Variants in EFNA5 observed in about 807,000 individuals in gnomAD.
The protein encoded by EFNA5 is ephrin A5, also known as ephrin-A5.
In EFNA5, 5 loss-of-function variants were observed where a neutral mutation model predicts 22.9. That is an observed-to-expected ratio of 0.22 (90% CI 0.11 to 0.46). The LOEUF (loss-of-function observed/expected upper bound fraction) is 0.46, where lower values mean the gene tolerates loss of function less well. EFNA5 is among the 20% of genes least tolerant of loss of function. The pLI is 0.99. For synonymous variants in EFNA5, 113 were observed against 112.2 expected (o/e 1.01, Z -0.04); for missense variants, 237 against 293.3 (o/e 0.81, Z 1.40).
rs11420605 is a variant in EFNA5 at position 107,574,363 on chromosome 5, C to CAA, written c.125+96124_125+96125dup. On this transcript the variant is annotated intron_variant, in intron 1 of 4. Transcript: ENST00000333274. ...TAACAATACTAGGAGCCCTCCCTTGCAAAAAAAAAATCATTCAATAAGCTC... is the reference window on the plus strand; with the variant it reads ...TAACAATACTAGGAGCCCTCCCTTGCAAAAAAAAAAAATCATTCAATAAGCTC... 3.0e-3 allele frequency among the ~76,000 whole-genome samples: 455 copies of CAA among 149,712 alleles called. 4 individuals carry two copies. Among genetic ancestry groups the CAA allele is most frequent in the Middle Eastern group, 0.021 (6 of 292 alleles).
intron 1 of EFNA5, among the ~76,000 whole-genome samples, chr5:107,661,745 T>C (rs914027123): frequency 4.6e-5 from 7 of 152,254 alleles, no homozygotes; most frequent in Admixed American, 4.6e-4. Flanking sequence ...AAGTTGTCTA[T>C]ACATTATTGA....
At chr5:107,585,499 C>T (rs1469569978) in intron 1 of EFNA5, among the ~76,000 whole-genome samples, 1 of 152,078 alleles carries the variant, frequency 6.6e-6, no homozygotes, top group Non-Finnish European at 1.5e-5. Flanking sequence ...AAATTCTAAA[C>T]AATATTAGGC....
At chr5:107,534,682 C>T (rs1197248778) in intron 1 of EFNA5, among the ~76,000 whole-genome samples, 3 of 152,144 alleles carry the variant, frequency 2.0e-5, no homozygotes, top group Admixed American at 1.3e-4. Context: ...CAAACCTTAA[C>T]CTCAAGTTAC....
At chr5:107,406,587 T>TTA (rs533858910) in intron 2 of EFNA5, among the ~76,000 whole-genome samples, 38 of 152,000 alleles carry the variant, frequency 2.5e-4, no homozygotes, top group East Asian at 5.8e-4. Flanking sequence ...TAAGTATGTT[T>TTA]TATATATATA....
chr5:107,482,406 A>T (rs1302361971), intron 1 of EFNA5, among the ~76,000 whole-genome samples: 1 of 152,170 alleles, frequency 6.6e-6, no homozygotes, highest in Non-Finnish European at 1.5e-5. Flanking sequence ...CATCTAGAAA[A>T]TAGTCTGTTT....
At chr5:107,475,177 C>A (rs777105172) in intron 1 of EFNA5, among the ~76,000 whole-genome samples, 4 of 152,202 alleles carry the variant, frequency 2.6e-5, no homozygotes, top group Non-Finnish European at 4.4e-5. Flanking sequence ...AATAAACAAT[C>A]CTTTTTTCTC....
intron 1 of EFNA5, among the ~76,000 whole-genome samples, chr5:107,539,099 A>G (rs559948693): frequency 5.3e-5 from 8 of 152,336 alleles, no homozygotes; most frequent in Admixed American, 3.3e-4. Context: ...GCACACTGAC[A>G]TGTCCTTGGG....
rs34585445 is a variant in EFNA5 at position 107,564,631 on chromosome 5, GTTTTTTTT to G, written c.125+105850_125+105857del. ...TTATTTTGTTTTTGTTTGGGTTTTT[GTTTTTTTT>G]TTTTTTTTTTTTGATCCTAACAGCC... On this transcript the variant is annotated intron_variant, in intron 1 of 4. Coordinates refer to ENST00000333274, the MANE Select transcript of EFNA5 (RefSeq NM_001962.3). Among the ~76,000 whole-genome samples the G allele has an allele frequency of 7.0e-5, 8 of 115,036 alleles. No individual in the cohort carries two copies. The Admixed American group carries it at 7.1e-4, about 10-fold the overall frequency. 75.5% of individuals were successfully genotyped at this position (115,036 alleles called of 152,430 possible). A position where few individuals can be genotyped will look rare whatever the true frequency, so the allele number is the denominator to read the frequency against.
intron 1 of EFNA5, among the ~76,000 whole-genome samples, chr5:107,558,348 T>C (rs911646206): frequency 5.1e-4 from 78 of 152,200 alleles, no homozygotes; most frequent in African/African-American, 1.7e-3. Flanking sequence ...GAACAATAAT[T>C]TCCTAGCTTT....
At position 107,547,310 on chromosome 5, in the gene EFNA5, T is replaced by C. The variant is rs1580524063; in HGVS notation, c.126-119801A>G. Reference sequence around the variant, plus strand: ...AGTACGGGAAATTCATGCTCCCATCTTCATGAGAGATCTGACTTTTGAGAG... The same window carrying C: ...AGTACGGGAAATTCATGCTCCCATCCTCATGAGAGATCTGACTTTTGAGAG... On this transcript the variant is annotated intron_variant, in intron 1 of 4. Coordinates refer to ENST00000333274, the MANE Select transcript of EFNA5 (RefSeq NM_001962.3). Among the ~76,000 whole-genome samples, 3 of 152,300 alleles carry C rather than the reference T, an allele frequency of 2.0e-5. No homozygotes were observed. In the South Asian group the frequency reaches 6.2e-4, roughly 32 times the overall value.
At chr5:107,591,940 A>AT (rs1749352180) in intron 1 of EFNA5, among the ~76,000 whole-genome samples, 2 of 22,162 alleles carry the variant, frequency 9.0e-5, no homozygotes, top group South Asian at 7.8e-4. Flanking sequence ...TATAATATAT[A>AT]TATTATATAT....
At chr5:107,516,328 A>G (rs1046495999) in intron 1 of EFNA5, among the ~76,000 whole-genome samples, 1 of 152,038 alleles carries the variant, frequency 6.6e-6, no homozygotes. Context: ...CTGAGCCACC[A>G]TGCCTGGTTG....
intron 1 of EFNA5, among the ~76,000 whole-genome samples, chr5:107,656,871 T>G (rs993307358): frequency 3.3e-5 from 5 of 152,100 alleles, no homozygotes; most frequent in Non-Finnish European, 7.4e-5. Context: ...ACCAAAAAAT[T>G]TTAACAGACA....
At chr5:107,459,493 T>A (rs956354113) in intron 1 of EFNA5, among the ~76,000 whole-genome samples, 1 of 152,146 alleles carries the variant, frequency 6.6e-6, no homozygotes, top group Admixed American at 6.6e-5. Flanking sequence ...TCATGTTTTA[T>A]AGTTGAGTAA....
At chr5:107,540,146 G>T (rs1216564407) in intron 1 of EFNA5, among the ~76,000 whole-genome samples, 3 of 152,202 alleles carry the variant, frequency 2.0e-5, no homozygotes, top group East Asian at 3.9e-4. Flanking sequence ...GGGGTGAAGA[G>T]GGGGAGGGGG....
intron 1 of EFNA5, among the ~76,000 whole-genome samples, chr5:107,538,486 A>G (rs1187761557): frequency 6.6e-6 from 1 of 152,238 alleles, no homozygotes; most frequent in Non-Finnish European, 1.5e-5. Context: ...GAACATAAGA[A>G]TGGTCTGAGC....
At chr5:107,657,918 C>A (rs372717969) in intron 1 of EFNA5, among the ~76,000 whole-genome samples, 146 of 152,240 alleles carry the variant, frequency 9.6e-4, no homozygotes, top group Middle Eastern at 3.4e-3. Flanking sequence ...CCATTCCTTA[C>A]TTGTTAATAC....
intron 1 of EFNA5, among the ~76,000 whole-genome samples, chr5:107,618,157 T>C (rs1749962454): frequency 6.6e-6 from 1 of 152,202 alleles, no homozygotes; most frequent in Non-Finnish European, 1.5e-5. Flanking sequence ...ATATATGCAA[T>C]CCAAAATATT....
intron 1 of EFNA5, among the ~76,000 whole-genome samples, chr5:107,656,397 T>C (rs1358238761): frequency 6.6e-6 from 1 of 152,140 alleles, no homozygotes; most frequent in Non-Finnish European, 1.5e-5. Flanking sequence ...TTCCTTTAAA[T>C]AAAACCCAAT....
Sources: gnomAD v4.1 joint callset for allele counts (sites outside exome capture counted in the v4.1 genomes callset) on GRCh38, gnomAD v4.1.1 for gene constraint, MANE v1.5 for transcripts, NCBI Gene and HGNC (gene_info 2026-07-23, HGNC 2026-07-21) for gene names.